LAMC1: variants seen among roughly 807,000 people sequenced by gnomAD.
The protein encoded by LAMC1 is laminin subunit gamma 1.
LAMC1 carries 38 observed loss-of-function variants against 173.6 expected under a neutral mutation model. The ratio of observed to expected loss-of-function variants is 0.22; its 90% confidence interval spans 0.17 to 0.29. The LOEUF (loss-of-function observed/expected upper bound fraction) is 0.29, where lower values mean the gene tolerates loss of function less well. Among genes scored for constraint, LAMC1 ranks in the 10% least tolerant of loss-of-function variants. The pLI is 1.00. For missense variants in LAMC1, 1,824 were observed against 2,051.8 expected, an observed-to-expected ratio of 0.89 and a Z score of 2.14; for synonymous variants, 746 against 749.1, an observed-to-expected ratio of 1.00 and a Z score of 0.07.
At chr1:183,136,714 A>G in intron 25 of LAMC1, 129 bp downstream of exon 25, 2 of 727,824 alleles carry the variant, frequency 2.7e-6, no homozygotes, top group Non-Finnish European at 4.4e-6. Context: ...CTTAAACCAT[A>G]TTTGTCTTTT....
At chr1:183,029,858 C>T (rs1480000399) in intron 1 of LAMC1, among the ~76,000 whole-genome samples, 1 of 152,126 alleles carries the variant, frequency 6.6e-6, no homozygotes, top group Non-Finnish European at 1.5e-5. Flanking sequence ...GTATTAGCAA[C>T]AATGCAAATT....
chr1:183,074,803 T>A (rs1041937425), intron 1 of LAMC1, among the ~76,000 whole-genome samples: 2 of 152,208 alleles, frequency 1.3e-5, no homozygotes, highest in African/African-American at 4.8e-5. Flanking sequence ...GGAAATTTTT[T>A]ATTTAGTGCT....
At position 183,144,026 on chromosome 1, in the gene LAMC1, T is replaced by C. The variant is rs1177755908; in HGVS notation, c.*1236T>C. The C allele has an allele frequency of 3.9e-5, 6 of 152,524 alleles. No individual in the cohort carries two copies. The highest frequency in any genetic ancestry group is 3.9e-4 in the Admixed American group (6 of 15,274). The allele number at this position is 152,524 out of a possible 1,614,324, so 9.4% of individuals were successfully genotyped here. ...ATTTAAATCCACTCTAAACCTTCCC[T>C]CTAAGTGTAGAGGGAAGACCCTTAC... On this transcript the variant is annotated 3_prime_UTR_variant, in exon 28 of 28. Transcript: ENST00000258341.
intron 1 of LAMC1, among the ~76,000 whole-genome samples, chr1:183,092,426 A>G (rs1251160481): frequency 8.8e-6 from 1 of 113,134 alleles, no homozygotes; most frequent in Admixed American, 1.0e-4. Context: ...AAAGTTTAAG[A>G]AGAAAAAAAA....
chr1:183,115,873 G>T (rs1656303966), intron 6 of LAMC1, among the ~76,000 whole-genome samples: 1 of 152,022 alleles, frequency 6.6e-6, no homozygotes, highest in African/African-American at 2.4e-5. Context: ...ATGACTTTAG[G>T]CTCACACCTG....
At chr1:183,024,547 G>T (rs1418223046) in intron 1 of LAMC1, among the ~76,000 whole-genome samples, 1 of 152,110 alleles carries the variant, frequency 6.6e-6, no homozygotes, top group Non-Finnish European at 1.5e-5. Context: ...AAACACTTTC[G>T]CCTTTAAAAT....
intron 1 of LAMC1, among the ~76,000 whole-genome samples, chr1:183,070,561 G>A (rs1654985778): frequency 6.6e-6 from 1 of 152,186 alleles, no homozygotes; most frequent in African/African-American, 2.4e-5. Context: ...AATGTCTAGG[G>A]TGGTGAGATA....
chr1:183,116,476 C>CAAAA (rs10689020), intron 6 of LAMC1, 101 bp from the exon 7 acceptor site: 87 of 696,738 alleles, frequency 1.2e-4, no homozygotes, highest in Non-Finnish European at 1.6e-4. Flanking sequence ...GACTCTGTCT[C>CAAAA]AAAAAAAAAA....
rs747845677 is a variant in LAMC1 at position 183,115,604 on chromosome 1, C to T, written c.1295C>T (p.Pro432Leu). 1 of 1,613,776 alleles carries T rather than the reference C, an allele frequency of 6.2e-7. No homozygotes were observed. The highest frequency in any genetic ancestry group is 8.5e-7 in the Non-Finnish European group (1 of 1,179,688). ...GGGGACAAATGTGACCGTTGCCAGC[C>T]TGGATTCCATTCTCTCACTGAAGCA... The part of the protein sequence containing the change: ...VMGDKCDRCQ[P>L]GFHSLTEAGC... Residue 432 changes from proline to leucine, a missense_variant, in exon 6 of 28, where the codon CCT becomes CTT. Transcript: ENST00000258341.
chr1:183,104,318 G>C (rs2027077), intron 2 of LAMC1, among the ~76,000 whole-genome samples: 53,033 of 151,970 alleles, frequency 0.35, 10,446 homozygotes, highest in East Asian at 0.48. Flanking sequence ...AATTCTACAT[G>C]CATATTCCTT....
At chr1:183,094,414 T>C (rs888611284) in intron 1 of LAMC1, among the ~76,000 whole-genome samples, 5 of 152,264 alleles carry the variant, frequency 3.3e-5, no homozygotes, top group Admixed American at 6.5e-5. Context: ...CACAGAATTT[T>C]CATTTTTATT....
chr1:183,133,593 C>G (rs1263423367), intron 22 of LAMC1, 43 bp downstream of exon 22: 1 of 1,556,112 alleles, frequency 6.4e-7, no homozygotes, highest in East Asian at 2.3e-5. Flanking sequence ...CCGTCTCTCC[C>G]CCAAGTCTAT....
intron 1 of LAMC1, among the ~76,000 whole-genome samples, chr1:183,044,025 T>A (rs550448137): frequency 5.0e-4 from 76 of 152,142 alleles, no homozygotes; most frequent in Non-Finnish European, 9.7e-4. Flanking sequence ...TTTTTTTTAA[T>A]CCTTAGTAAA....
At position 183,126,112 on chromosome 1, in the gene LAMC1, A is replaced by C; in HGVS notation, c.2802-8A>C. 1 of 1,610,410 alleles carries C rather than the reference A, an allele frequency of 6.2e-7. No homozygotes were observed. The highest frequency in any genetic ancestry group is 8.5e-7 in the Non-Finnish European group (1 of 1,179,036). ...CTTGCCTGAGAAATGTCCTGTGTTC[A>C]TTTTCAGGTGTGACTGCCATGCCTT... On this transcript the variant is annotated splice_polypyrimidine_tract_variant and splice_region_variant and intron_variant, in intron 15 of 27. Coordinates refer to ENST00000258341, the MANE Select transcript of LAMC1 (RefSeq NM_002293.4).
intron 1 of LAMC1, among the ~76,000 whole-genome samples, chr1:183,062,635 ACT>A (rs1654770298): frequency 6.6e-6 from 1 of 151,480 alleles, no homozygotes; most frequent in South Asian, 2.1e-4. Context: ...ACAGAGCGAG[ACT>A]CTGTCTAAAA....
intron 11 of LAMC1, among the ~76,000 whole-genome samples, chr1:183,121,139 C>T (rs972053115): frequency 6.6e-5 from 10 of 152,202 alleles, no homozygotes; most frequent in Non-Finnish European, 1.5e-5. Context: ...TTAGTTTGGG[C>T]CGGGCATGGT....
rs1013267108 is a variant in LAMC1 at position 183,114,730 on chromosome 1, G to A, written c.1210+11G>A. Reference sequence around the variant, plus strand: ...ACTGTAGTCCTGTGGGTAAGTGACAGGAAGATGGATTGAAAGACAAAATGA... The same window carrying A: ...ACTGTAGTCCTGTGGGTAAGTGACAAGAAGATGGATTGAAAGACAAAATGA... On this transcript the variant is annotated intron_variant, in intron 5 of 27. Transcript: ENST00000258341. 1.7e-5 allele frequency: 28 copies of A among 1,608,750 alleles called. No homozygotes were observed. Among genetic ancestry groups the A allele is most frequent in the African/African-American group, 2.7e-5 (2 of 74,754 alleles).
intron 1 of LAMC1, among the ~76,000 whole-genome samples, chr1:183,048,380 TCTG>T (rs1378886589): frequency 6.6e-6 from 1 of 152,220 alleles, no homozygotes; most frequent in Non-Finnish European, 1.5e-5. Flanking sequence ...TACAGGTAAA[TCTG>T]CTGGTGCTAC....
intron 1 of LAMC1, among the ~76,000 whole-genome samples, chr1:183,070,763 T>G (rs1347114647): frequency 6.6e-6 from 1 of 152,190 alleles, no homozygotes; most frequent in Non-Finnish European, 1.5e-5. Flanking sequence ...TCAGTTCCCC[T>G]TGTAATGTCA....
Sources: allele counts gnomAD v4.1 joint callset (sites outside exome capture counted in the v4.1 genomes callset), GRCh38; gene constraint gnomAD v4.1.1; transcripts MANE v1.5; gene names NCBI Gene and HGNC (gene_info 2026-07-23, HGNC 2026-07-21).